ATG2B: variants seen among roughly 807,000 people sequenced by gnomAD.
ATG2B encodes the protein autophagy-related protein 2 homolog B.
ATG2B carries 121 observed loss-of-function variants against 241.3 expected under a neutral mutation model. That is an observed-to-expected ratio of 0.50 (90% confidence interval 0.43 to 0.58). ATG2B has a LOEUF of 0.58. Ranked by LOEUF, ATG2B falls within the 20% of genes least tolerant of loss-of-function variation. ATG2B has a pLI of 0.00. For synonymous variants in ATG2B, 858 were observed against 876.6 expected (o/e 0.98, Z 0.37); for missense variants, 2,306 against 2,491.6 (o/e 0.93, Z 1.59).
chr14:96,320,085 C>G (rs1193387684), intron 18 of ATG2B, among the ~76,000 whole-genome samples: 1 of 152,126 alleles, frequency 6.6e-6, no homozygotes, highest in Non-Finnish European at 1.5e-5. Flanking sequence ...GATACATACT[C>G]TAATACACGA....
chr14:96,354,854 G>C (rs1204618522), intron 1 of ATG2B, among the ~76,000 whole-genome samples: 1 of 152,134 alleles, frequency 6.6e-6, no homozygotes, highest in African/African-American at 2.4e-5. Flanking sequence ...GTGCGAGATG[G>C]TATCTCATTG....
At chr14:96,354,764 C>T (rs1888428319) in intron 1 of ATG2B, among the ~76,000 whole-genome samples, 1 of 152,140 alleles carries the variant, frequency 6.6e-6, no homozygotes, top group African/African-American at 2.4e-5. Context: ...TCCTTTTTCT[C>T]CACAATCTCA....
chr14:96,358,359 C>T (rs1888534268), intron 1 of ATG2B, among the ~76,000 whole-genome samples: 1 of 152,098 alleles, frequency 6.6e-6, no homozygotes, highest in African/African-American at 2.4e-5. Context: ...ATCGCTTGAA[C>T]CCATGAGTTT....
chr14:96,295,923 T>TG (rs1312193880), intron 34 of ATG2B, among the ~76,000 whole-genome samples: 3 of 152,272 alleles, frequency 2.0e-5, no homozygotes, highest in African/African-American at 7.2e-5. Context: ...GCTCTCATTC[T>TG]GCATTGTGGT....
At chr14:96,342,941 T>C (rs1888081102) in intron 5 of ATG2B, among the ~76,000 whole-genome samples, 178 bp downstream of exon 5, 1 of 152,182 alleles carries the variant, frequency 6.6e-6, no homozygotes, top group African/African-American at 2.4e-5. Flanking sequence ...GGTAGGAATA[T>C]AAATATTAGT....
At chr14:96,302,160 C>T in intron 33 of ATG2B, 52 bp from the exon 34 acceptor site, 1 of 1,109,080 alleles carries the variant, frequency 9.0e-7, no homozygotes, top group South Asian at 1.3e-5. Context: ...TGATGACCTT[C>T]TTCTCTTTAA....
At chr14:96,353,126 G>T (rs1888376885) in intron 1 of ATG2B, among the ~76,000 whole-genome samples, 1 of 152,138 alleles carries the variant, frequency 6.6e-6, no homozygotes, top group Non-Finnish European at 1.5e-5. Context: ...CAGGTGTATA[G>T]CCTAGGAGCA....
intron 5 of ATG2B, among the ~76,000 whole-genome samples, chr14:96,342,717 CAAA>C (rs11290481): frequency 2.9e-5 from 3 of 103,060 alleles, no homozygotes; most frequent in Non-Finnish European, 4.2e-5. Context: ...AGACTCTCTC[CAAA>C]AAAAAAAAAA....
At chr14:96,322,769 T>A in intron 16 of ATG2B, 34 bp from the exon 17 acceptor site, 2 of 1,583,738 alleles carry the variant, frequency 1.3e-6, no homozygotes, top group Non-Finnish European at 1.7e-6. Context: ...AAGACCAAGA[T>A]CTAAGTGTAA....
In ATG2B at chr14:96,332,285, A is replaced by G; in HGVS notation, c.1468+20T>C. 6.3e-7 allele frequency: 1 copy of G among 1,581,316 alleles called. No homozygotes were observed. Among genetic ancestry groups the G allele is most frequent in the East Asian group, 2.2e-5 (1 of 44,674 alleles). ...AAAATTCCAGCGGAAACTAACAACA[A>G]ATGTCTTATTTTTACTTACATGTCT... is the stretch of plus-strand genomic sequence containing the variant. On this transcript the variant is annotated intron_variant, in intron 10 of 41. Coordinates refer to ENST00000359933, the MANE Select transcript of ATG2B (RefSeq NM_018036.7).
chr14:96,340,877 C>T (rs1888014817), intron 6 of ATG2B, among the ~76,000 whole-genome samples: 1 of 146,264 alleles, frequency 6.8e-6, no homozygotes, highest in Non-Finnish European at 1.5e-5. Context: ...AAGATCTTGT[C>T]ACTGCACCCC....
intron 1 of ATG2B, among the ~76,000 whole-genome samples, chr14:96,350,281 T>A (rs923074829): frequency 2.6e-5 from 4 of 152,002 alleles, no homozygotes; most frequent in African/African-American, 7.3e-5. Flanking sequence ...CACCAATATT[T>A]AAGAAAAGGG....
intron 34 of ATG2B, among the ~76,000 whole-genome samples, chr14:96,301,519 A>G (rs928722848): frequency 6.6e-6 from 1 of 152,234 alleles, no homozygotes; most frequent in African/African-American, 2.4e-5. Context: ...GAATACGGGA[A>G]AGTGGATTTC....
At position 96,347,254 on chromosome 14, in the gene ATG2B, C is replaced by A; in HGVS notation, c.250G>T (p.Gly84Cys). ...GCACAATTATCCTGCAGTAAAGAGC[C>A]CCATGGAACTGACAGGGAAATTGAC... ...IQSISLSVPW[G>C]SLLQDNCALE... Residue 84 changes from glycine (G) to cysteine (C), a missense_variant, in exon 2 of 42, where the codon GGC (glycine) becomes TGC (cysteine). Gly to Cys is a radical substitution (Grantham distance 159). Transcript: ENST00000359933. The A allele has an allele frequency of 6.2e-7, 1 of 1,611,800 alleles. No homozygotes were observed. Among genetic ancestry groups the A allele is most frequent in the Non-Finnish European group, 8.5e-7 (1 of 1,178,268 alleles).
intron 25 of ATG2B, 122 bp from the exon 26 acceptor site, chr14:96,312,281 G>T (rs776204257): frequency 3.0e-5 from 20 of 677,554 alleles, no homozygotes; most frequent in Non-Finnish European, 4.8e-5. Flanking sequence ...ATCATAAGCA[G>T]TTTCTAACTT....
intron 28 of ATG2B, among the ~76,000 whole-genome samples, chr14:96,310,133 C>A (rs1373496391): frequency 6.6e-6 from 1 of 152,088 alleles, no homozygotes; most frequent in East Asian, 1.9e-4. Flanking sequence ...AAACCCAGAT[C>A]GTGCTTTTTA....
intron 28 of ATG2B, among the ~76,000 whole-genome samples, chr14:96,310,144 T>C (rs1045810523): frequency 2.0e-5 from 3 of 152,174 alleles, no homozygotes; most frequent in Non-Finnish European, 4.4e-5. Context: ...GTGCTTTTTA[T>C]ATGTGAGCAT....
intron 1 of ATG2B, among the ~76,000 whole-genome samples, chr14:96,359,063 C>T (rs983511725): frequency 6.6e-6 from 1 of 152,130 alleles, no homozygotes; most frequent in African/African-American, 2.4e-5. Flanking sequence ...TCGAAACATT[C>T]TTAAACTGAA....
rs1442657680 is a variant in ATG2B at position 96,289,833 on chromosome 14, T to A, written c.5857-28A>T. On this transcript the variant is annotated intron_variant, in intron 40 of 41. Transcript: ENST00000359933. The surrounding 1 kb of genome is among the most constrained non-coding windows in gnomAD (Gnocchi z 4.3). ...GGATCATTTTGTCAAAAGGAAGAAA[T>A]GAATTAGAAGAAAGTCTGAAGAGTT... 1 of 1,612,996 alleles carries A rather than the reference T, an allele frequency of 6.2e-7. No homozygotes were observed. Among genetic ancestry groups the A allele is most frequent in the Non-Finnish European group, 8.5e-7 (1 of 1,179,352 alleles).
Sources: allele counts gnomAD v4.1 joint callset (sites outside exome capture counted in the v4.1 genomes callset), GRCh38; gene constraint gnomAD v4.1.1; non-coding constraint Gnocchi (gnomAD v3.1); transcripts MANE v1.5; gene names NCBI Gene and HGNC (gene_info 2026-07-23, HGNC 2026-07-21).